CFI: variants seen among roughly 807,000 people sequenced by gnomAD.
CFI encodes complement factor I.
In CFI, 66 loss-of-function variants were observed where a neutral mutation model predicts 78.8. The ratio of observed to expected loss-of-function variants is 0.84; its 90% CI spans 0.69 to 1.03. The LOEUF is 1.03. CFI is among the 50% of genes least tolerant of loss of function. The pLI, the probability that CFI is intolerant of heterozygous loss-of-function variation, is 0.00. For missense variants in CFI, 706 were observed against 704.5 expected (o/e 1.00, Z -0.02); for synonymous variants, 250 against 232.6 (o/e 1.07, Z -0.68).
chr4:109,749,894 T>C (rs1366554914), intron 8 of CFI, among the ~76,000 whole-genome samples: 2 of 152,228 alleles, frequency 1.3e-5, no homozygotes, highest in Non-Finnish European at 2.9e-5. Context: ...TGATAAAGGA[T>C]GCCACATGTC....
intron 12 of CFI, chr4:109,741,503 TCATTA>T: frequency 7.7e-6 from 2 of 259,888 alleles, no homozygotes; most frequent in Non-Finnish European, 1.2e-5. Flanking sequence ...GAGGCAAATA[TCATTA>T]TTGCCCCTAT....
At chr4:109,759,904 A>G (rs1726813201) in intron 6 of CFI, among the ~76,000 whole-genome samples, 1 of 145,742 alleles carries the variant, frequency 6.9e-6, no homozygotes, top group African/African-American at 2.6e-5. Context: ...AAAAAAAGTA[A>G]TAGTAAATAA....
rs758997583 is a variant in CFI, at chr4:109,752,456, A to G, written c.940+12T>C. 5.0e-6 allele frequency: 8 copies of G among 1,613,072 alleles called. No individual in the cohort carries two copies. The African/African-American group carries it at 1.1e-4, about 22-fold the overall frequency. On this transcript the variant is annotated intron_variant, in intron 8 of 12. Coordinates refer to ENST00000394634, the MANE Select transcript of CFI (RefSeq NM_000204.5). Reference sequence around the variant, plus strand: ...AGTGAGCCACCAATAAAAAAGTATAACGTTAGCTTACCTGCATCCATGTCA... The same window carrying G: ...AGTGAGCCACCAATAAAAAAGTATAGCGTTAGCTTACCTGCATCCATGTCA...
chr4:109,783,834 T>TATATATATATATATA (rs57344652), intron 1 of CFI, among the ~76,000 whole-genome samples: 52 of 139,662 alleles, frequency 3.7e-4, no homozygotes, highest in Admixed American at 5.4e-4. Context: ...TATATATATA[T>TATATATATATATATA]GATGGAATAC....
chr4:109,734,496 G>A, the CFI span, among the ~76,000 whole-genome samples: 765 of 152,246 alleles, frequency 5.0e-3, 4 homozygotes, highest in Middle Eastern at 0.024. Context: ...GTCAGAGGAA[G>A]AAAAGAATTA....
intron 6 of CFI, 68 bp downstream of exon 6, chr4:109,760,202 C>A: frequency 9.3e-7 from 1 of 1,080,800 alleles, no homozygotes; most frequent in Non-Finnish European, 1.4e-6. Flanking sequence ...TTATACTTTA[C>A]CTAAAGAAAA....
intron 4 of CFI, 43 bp from the exon 5 acceptor site, chr4:109,760,679 G>A (rs1262343599): frequency 8.9e-7 from 1 of 1,125,552 alleles, no homozygotes; most frequent in Admixed American, 1.7e-5. Context: ...TTTATGGAGT[G>A]GTGGCATGAC....
At chr4:109,798,350 A>G (rs949381017) in intron 1 of CFI, among the ~76,000 whole-genome samples, 10 of 152,216 alleles carry the variant, frequency 6.6e-5, no homozygotes, top group Admixed American at 6.5e-4. Flanking sequence ...AATAATAAAT[A>G]AAGAGAGTGA....
rs1215192811 is a variant in CFI, at chr4:109,761,564, A to G, written c.611T>C (p.Met204Thr). ...CACATCAGCGAAATCCTGGTAACCC[A>G]TAGTTCTTCTCTTAGTAAAAGTACA... ...AECTFTKRRT[M>T]GYQDFADVVC... The change falls in exon 4 of 13, where the codon ATG (methionine) becomes ACG (threonine). Residue 204 changes from methionine (M) to threonine (T), a missense_variant. Coordinates refer to ENST00000394634, the MANE Select transcript of CFI (RefSeq NM_000204.5). 1 of 1,614,018 alleles carries G rather than the reference A, an allele frequency of 6.2e-7. No homozygotes were observed. The highest frequency in any genetic ancestry group is 8.5e-7 in the Non-Finnish European group (1 of 1,180,010).
chr4:109,761,448 T>C lies in CFI; in HGVS notation c.658+69A>G, dbSNP rs113120281. ...GGCAACGAGGCATCAATCATTTGTT[T>C]ACTATAGGCTTGGTGTAAAATAAAC... On this transcript the variant is annotated intron_variant, in intron 4 of 12. Coordinates refer to ENST00000394634, the MANE Select transcript of CFI (RefSeq NM_000204.5). 228 of 1,441,240 alleles carry C rather than the reference T, an allele frequency of 1.6e-4. 1 individual carries two copies. In the African/African-American group the frequency reaches 2.8e-3, roughly 18 times the overall value. 89.3% of individuals were successfully genotyped at this position (1,441,240 alleles called of 1,614,324 possible). A position where few individuals can be genotyped will look rare whatever the true frequency, so the allele number is the denominator to read the frequency against.
At chr4:109,800,460 G>T (rs1261074635) in intron 1 of CFI, among the ~76,000 whole-genome samples, 1 of 148,024 alleles carries the variant, frequency 6.8e-6, no homozygotes, top group African/African-American at 2.5e-5. Context: ...GCCTCCCAAA[G>T]TACTGGGATT....
chr4:109,751,143 G>C (rs2126194179), intron 8 of CFI, among the ~76,000 whole-genome samples: 1 of 152,190 alleles, frequency 6.6e-6, no homozygotes, highest in South Asian at 2.1e-4. Flanking sequence ...CAGCCTCTTT[G>C]TTTGGCCTCT....
chr4:109,771,804 A>G, intron 1 of CFI, among the ~76,000 whole-genome samples: 1 of 151,534 alleles, frequency 6.6e-6, no homozygotes, highest in East Asian at 1.9e-4. Flanking sequence ...AGTAGCATAA[A>G]GGGCCACGGA....
chr4:109,767,261 A>C (rs1727888872), intron 1 of CFI, among the ~76,000 whole-genome samples: 1 of 152,206 alleles, frequency 6.6e-6, no homozygotes, highest in South Asian at 2.1e-4. Flanking sequence ...CAATGGCAAC[A>C]AAAGCCAAAA....
chr4:109,770,520 C>T (rs1301776467), intron 1 of CFI, among the ~76,000 whole-genome samples: 2 of 146,966 alleles, frequency 1.4e-5, no homozygotes, highest in South Asian at 4.4e-4. Flanking sequence ...CGCACCACTG[C>T]ACTCCAACCT....
chr4:109,736,703 T>C (rs1723390588), downstream of CFI, among the ~76,000 whole-genome samples: 1 of 152,196 alleles, frequency 6.6e-6, no homozygotes, highest in Non-Finnish European at 1.5e-5. Context: ...ACCCACTTAG[T>C]TGAGACTGCA....
At position 109,764,887 on chromosome 4, in the gene CFI, G is replaced by A. The variant is rs115542798; in HGVS notation, c.329-197C>T. ...GGCAGTGCTATTCAGCTGTATAGAG[G>A]ATCATTAAATACTCACATCAACCCT... On this transcript the variant is annotated intron_variant, in intron 2 of 12. Transcript: ENST00000394634. Among the ~76,000 whole-genome samples, 98 of 152,246 alleles carry A rather than the reference G, an allele frequency of 6.4e-4. 1 individual carries two copies. Among genetic ancestry groups the A allele is most frequent in the African/African-American group, 2.3e-3 (95 of 41,544 alleles).
chr4:109,788,666 T>C (rs2125859584), intron 1 of CFI, among the ~76,000 whole-genome samples: 2 of 152,212 alleles, frequency 1.3e-5, no homozygotes, highest in South Asian at 4.1e-4. Context: ...ATAAGAAAAT[T>C]ATTTTTAGTA....
intron 3 of CFI, 34 bp from the exon 4 acceptor site, chr4:109,761,726 A>T: frequency 6.5e-7 from 1 of 1,542,308 alleles, no homozygotes; most frequent in Non-Finnish European, 8.9e-7. Context: ...TTATGGTAGA[A>T]TAATTAGTAC....
Sources: allele counts gnomAD v4.1 joint callset (sites outside exome capture counted in the v4.1 genomes callset), GRCh38; gene constraint gnomAD v4.1.1; transcripts MANE v1.5; gene names NCBI Gene and HGNC (gene_info 2026-07-23, HGNC 2026-07-21).